ZSWIM5: variants seen among roughly 807,000 people sequenced by gnomAD.
ZSWIM5 encodes the protein zinc finger SWIM domain-containing protein 5.
In ZSWIM5, 55 loss-of-function variants were observed where a neutral mutation model predicts 119.6. The ratio of observed to expected loss-of-function variants is 0.46; its 90% confidence interval spans 0.37 to 0.58. ZSWIM5 has a LOEUF of 0.58. ZSWIM5 is among the 20% of genes least tolerant of loss of function. ZSWIM5 has a pLI of 0.00. For synonymous variants in ZSWIM5, 537 were observed against 606.9 expected, an observed-to-expected ratio of 0.88 and a Z score of 1.69; for missense variants, 1,193 against 1,512.8, an observed-to-expected ratio of 0.79 and a Z score of 3.51.
chr1:45,198,945 T>C (rs2883902), intron 1 of ZSWIM5, among the ~76,000 whole-genome samples: 24,298 of 152,182 alleles, frequency 0.16, 2,604 homozygotes, highest in African/African-American at 0.3. Context: ...TTATACACTT[T>C]CATTTATCTC....
chr1:45,041,368 T>A (rs1452328426), intron 6 of ZSWIM5, among the ~76,000 whole-genome samples: 1 of 152,140 alleles, frequency 6.6e-6, no homozygotes, highest in Non-Finnish European at 1.5e-5. Flanking sequence ...TACAAATAGG[T>A]GAGTAACTAT....
At chr1:45,157,875 T>C (rs1335800465) in intron 1 of ZSWIM5, among the ~76,000 whole-genome samples, 1 of 152,206 alleles carries the variant, frequency 6.6e-6, no homozygotes, top group Non-Finnish European at 1.5e-5. Flanking sequence ...GGGAATGTAG[T>C]ATTATCTCGT....
rs568740391 is a variant in ZSWIM5 at position 45,085,933 on chromosome 1, C to T, written c.952+1948G>A. On this transcript the variant is annotated intron_variant, in intron 2 of 13. Coordinates refer to ENST00000359600, the MANE Select transcript of ZSWIM5 (RefSeq NM_020883.2). ...TCCACATTTTCAGGTATCTTTATGG[C>T]AATGCCTGACTTCCCAGTACCAATT... Among the ~76,000 whole-genome samples the T allele has an allele frequency of 4.6e-5, 7 of 152,272 alleles. No homozygotes were observed. In the South Asian group the frequency reaches 1.2e-3, roughly 27 times the overall value.
chr1:45,030,508 A>G, intron 11 of ZSWIM5, among the ~76,000 whole-genome samples: 1 of 152,110 alleles, frequency 6.6e-6, no homozygotes, highest in East Asian at 1.9e-4. Flanking sequence ...CAGCCTCCCA[A>G]AGTGCTGGGA....
intron 1 of ZSWIM5, among the ~76,000 whole-genome samples, chr1:45,111,712 C>T (rs1645519709): frequency 6.6e-6 from 1 of 152,258 alleles, no homozygotes; most frequent in South Asian, 2.1e-4. Context: ...TACGCTGTAT[C>T]AATCTGACAT....
intron 6 of ZSWIM5, among the ~76,000 whole-genome samples, chr1:45,041,193 A>C (rs1645016111): frequency 6.6e-6 from 1 of 152,224 alleles, no homozygotes; most frequent in South Asian, 2.1e-4. Context: ...TATTAATAGC[A>C]TCCATCTTCA....
chr1:45,149,783 T>C (rs1304824542), intron 1 of ZSWIM5, among the ~76,000 whole-genome samples: 1 of 152,182 alleles, frequency 6.6e-6, no homozygotes, highest in Non-Finnish European at 1.5e-5. Context: ...ATCACATTCT[T>C]TATAAAACAA....
chr1:45,109,394 T>C (rs1308857678), intron 1 of ZSWIM5, among the ~76,000 whole-genome samples: 1 of 152,194 alleles, frequency 6.6e-6, no homozygotes, highest in Non-Finnish European at 1.5e-5. Flanking sequence ...TGTTCTTATA[T>C]AGCTTTTAAC....
chr1:45,106,414 G>C (rs554228046), intron 1 of ZSWIM5, among the ~76,000 whole-genome samples: 1 of 135,784 alleles, frequency 7.4e-6, no homozygotes, highest in African/African-American at 2.8e-5. Context: ...GCCTCTGCCC[G>C]GCCGCCCCAT....
intron 1 of ZSWIM5, among the ~76,000 whole-genome samples, chr1:45,151,781 T>C (rs1570154665): frequency 6.6e-6 from 1 of 152,022 alleles, no homozygotes; most frequent in African/African-American, 2.4e-5. Flanking sequence ...TGAGAAAAAA[T>C]TGACATGCAA....
intron 1 of ZSWIM5, among the ~76,000 whole-genome samples, chr1:45,110,899 A>C (rs1347513247): frequency 6.6e-6 from 1 of 152,184 alleles, no homozygotes; most frequent in Non-Finnish European, 1.5e-5. Flanking sequence ...GTAATATTCC[A>C]ACAGCAATCC....
intron 2 of ZSWIM5, 27 bp downstream of exon 2, chr1:45,087,854 T>C (rs752456054): frequency 7.1e-6 from 11 of 1,541,710 alleles, no homozygotes; most frequent in African/African-American, 2.8e-5. Flanking sequence ...AAGACCTTTT[T>C]TTTCAATAAA....
chr1:45,181,966 G>A (rs1056535759), intron 1 of ZSWIM5, among the ~76,000 whole-genome samples: 19 of 152,134 alleles, frequency 1.2e-4, no homozygotes, highest in East Asian at 3.9e-4. Context: ...GGTACCAGCC[G>A]CTGCAAAAAC....
chr1:45,102,866 T>A (rs2149018156), intron 1 of ZSWIM5, among the ~76,000 whole-genome samples: 1 of 152,284 alleles, frequency 6.6e-6, no homozygotes, highest in Middle Eastern at 3.4e-3. Context: ...TTTATTTATT[T>A]ATTTATTTGG....
At chr1:45,150,380 T>C (rs1222421066) in intron 1 of ZSWIM5, among the ~76,000 whole-genome samples, 2 of 152,126 alleles carry the variant, frequency 1.3e-5, no homozygotes, top group Non-Finnish European at 2.9e-5. Context: ...GGAACCCTTG[T>C]AACATTGCTA....
At chr1:45,134,047 T>G (rs1241617298) in intron 1 of ZSWIM5, among the ~76,000 whole-genome samples, 1 of 152,206 alleles carries the variant, frequency 6.6e-6, no homozygotes, top group Non-Finnish European at 1.5e-5. Flanking sequence ...GGTAGCATGA[T>G]GCCTCCAGCT....
chr1:45,023,394 A>G (rs1432467494), intron 11 of ZSWIM5, among the ~76,000 whole-genome samples: 1 of 150,670 alleles, frequency 6.6e-6, no homozygotes, highest in Non-Finnish European at 1.5e-5. Context: ...TAACTTAAAG[A>G]CTAGTGTGAT....
At chr1:45,053,146 A>T (rs1645099943) in intron 4 of ZSWIM5, among the ~76,000 whole-genome samples, 1 of 149,312 alleles carries the variant, frequency 6.7e-6, no homozygotes, top group South Asian at 2.1e-4. Context: ...AAAAAAAAAG[A>T]AAAAAGGAAC....
At chr1:45,120,431 A>G (rs1465377104) in intron 1 of ZSWIM5, among the ~76,000 whole-genome samples, 2 of 152,100 alleles carry the variant, frequency 1.3e-5, no homozygotes, top group African/African-American at 4.8e-5. Context: ...TATCATTCCA[A>G]TGGTTTCCAT....
Sources: allele counts gnomAD v4.1 joint callset (sites outside exome capture counted in the v4.1 genomes callset), GRCh38; gene constraint gnomAD v4.1.1; transcripts MANE v1.5; gene names NCBI Gene and HGNC (gene_info 2026-07-23, HGNC 2026-07-21).